RAVER2: variants seen among roughly 807,000 people sequenced by gnomAD.
RAVER2 encodes the protein ribonucleoprotein PTB-binding 2.
A neutral mutation model predicts 78.1 loss-of-function variants in RAVER2; 46 were observed. The ratio of observed to expected loss-of-function variants is 0.59; its 90% CI spans 0.46 to 0.75. RAVER2 has a LOEUF of 0.75. Ranked by LOEUF, RAVER2 falls within the 30% of genes least tolerant of loss-of-function variation. The probability of loss-of-function intolerance (pLI) is 0.00; values close to 1 mark genes in which losing one functional copy is unlikely to be tolerated. For synonymous variants in RAVER2, 311 were observed against 313.3 expected (o/e 0.99, Z 0.08); for missense variants, 793 against 837.5 (o/e 0.95, Z 0.66).
intron 1 of RAVER2, among the ~76,000 whole-genome samples, chr1:64,763,041 G>A (rs1652063226): frequency 6.6e-6 from 1 of 152,254 alleles, no homozygotes. Context: ...TGGGCACAGT[G>A]GGTCACGCCT....
At chr1:64,792,423 C>A (rs184214191) in intron 5 of RAVER2, among the ~76,000 whole-genome samples, 1 of 152,314 alleles carries the variant, frequency 6.6e-6, no homozygotes, top group East Asian at 1.9e-4. Flanking sequence ...AAGAAGTATA[C>A]CACATTCTTA....
intron 11 of RAVER2, among the ~76,000 whole-genome samples, chr1:64,824,111 T>C (rs1158034568): frequency 6.6e-6 from 1 of 152,162 alleles, no homozygotes; most frequent in Non-Finnish European, 1.5e-5. Flanking sequence ...CCGGCCTGAT[T>C]TTTGTTTTTC....
At chr1:64,783,939 T>G (rs1335310896) in intron 4 of RAVER2, among the ~76,000 whole-genome samples, 1 of 152,244 alleles carries the variant, frequency 6.6e-6, no homozygotes, top group African/African-American at 2.4e-5. Flanking sequence ...CATTTCTTAA[T>G]TTTCCATTTC....
At chr1:64,799,224 A>T (rs1653189076) in intron 5 of RAVER2, among the ~76,000 whole-genome samples, 1 of 152,190 alleles carries the variant, frequency 6.6e-6, no homozygotes, top group Non-Finnish European at 1.5e-5. Flanking sequence ...ACTTAATATA[A>T]TGTCCTCCAG....
chr1:64,803,712 T>C (rs1054086108), intron 6 of RAVER2, among the ~76,000 whole-genome samples: 7 of 152,214 alleles, frequency 4.6e-5, no homozygotes, highest in Non-Finnish European at 1.0e-4. Flanking sequence ...GACTTGGTGA[T>C]ACATTATAGA....
At chr1:64,801,637 A>G (rs1425589903) in intron 5 of RAVER2, among the ~76,000 whole-genome samples, 2 of 151,492 alleles carry the variant, frequency 1.3e-5, no homozygotes, top group South Asian at 4.2e-4. Context: ...TGGGAGGCCA[A>G]GGCAGGTGGA....
At chr1:64,762,946 A>C (rs376023438) in intron 1 of RAVER2, among the ~76,000 whole-genome samples, 3 of 152,192 alleles carry the variant, frequency 2.0e-5, no homozygotes, top group African/African-American at 7.2e-5. Flanking sequence ...CAGTAGGCAA[A>C]CCACAGGCTA....
intron 8 of RAVER2, among the ~76,000 whole-genome samples, chr1:64,806,783 G>C (rs1194885826): frequency 1.3e-5 from 2 of 152,028 alleles, no homozygotes; most frequent in Non-Finnish European, 2.9e-5. Context: ...TTTAATTTCA[G>C]ATAACTTTTT....
At chr1:64,764,324 A>T (rs1652114081) in intron 1 of RAVER2, among the ~76,000 whole-genome samples, 1 of 152,002 alleles carries the variant, frequency 6.6e-6, no homozygotes, top group South Asian at 2.1e-4. Context: ...ATGGTGTCCT[A>T]ATAGTTGATT....
intron 4 of RAVER2, among the ~76,000 whole-genome samples, chr1:64,783,798 A>G (rs1026687640): frequency 3.3e-5 from 5 of 152,230 alleles, no homozygotes; most frequent in African/African-American, 9.7e-5. Flanking sequence ...AAACACCAAA[A>G]GCAATGGCAA....
At chr1:64,778,116 G>T in intron 3 of RAVER2, 24 bp downstream of exon 3, 2 of 1,501,064 alleles carry the variant, frequency 1.3e-6, no homozygotes, top group Non-Finnish European at 9.1e-7. Flanking sequence ...AGAGATTATT[G>T]AAATATTTTA....
chr1:64,766,070 T>A (rs1452057699), intron 1 of RAVER2, among the ~76,000 whole-genome samples: 1 of 152,146 alleles, frequency 6.6e-6, no homozygotes, highest in Non-Finnish European at 1.5e-5. Context: ...TGATCGTCTC[T>A]CCAGAAAGCA....
intron 2 of RAVER2, among the ~76,000 whole-genome samples, chr1:64,769,533 G>T (rs762528980): frequency 2.0e-5 from 3 of 151,982 alleles, no homozygotes; most frequent in Non-Finnish European, 4.4e-5. Context: ...ACTTACCTGT[G>T]CCTCTTTGAA....
intron 3 of RAVER2, among the ~76,000 whole-genome samples, chr1:64,780,827 G>T (rs1652606427): frequency 6.6e-6 from 1 of 152,168 alleles, no homozygotes; most frequent in Admixed American, 6.5e-5. Context: ...AATAAAAGTT[G>T]TGTGTTGCTT....
At chr1:64,767,252 C>T (rs1379812660) in intron 1 of RAVER2, among the ~76,000 whole-genome samples, 1 of 151,840 alleles carries the variant, frequency 6.6e-6, no homozygotes, top group Admixed American at 6.6e-5. Flanking sequence ...CATATGATTA[C>T]TTATTAGGGC....
chr1:64,762,038 C>T (rs1169612043), intron 1 of RAVER2, among the ~76,000 whole-genome samples: 1 of 151,904 alleles, frequency 6.6e-6, no homozygotes, highest in East Asian at 1.9e-4. Flanking sequence ...TCACTTGAGC[C>T]TAGGAGGTTG....
At chr1:64,769,297 G>C (rs1220570292) in intron 2 of RAVER2, among the ~76,000 whole-genome samples, 2 of 151,490 alleles carry the variant, frequency 1.3e-5, no homozygotes, top group African/African-American at 4.9e-5. Context: ...ATGTAGATCT[G>C]TTGAATTTCT....
Position 64,745,655 on chromosome 1 carries a change from A to G in RAVER2, c.249+234A>G, listed in dbSNP as rs1557577392. On this transcript the variant is annotated intron_variant, in intron 1 of 11. Transcript: ENST00000294428. This position sits in a 1 kb window ranked among gnomAD's most constrained non-coding sequence, Gnocchi z 4.3. The stretch of plus-strand genomic sequence containing the variant: ...TCTGAGTGGCGAAGCGGCTTCTCCA[A>G]GGTCACGGGAATCAGGGGCTGCTGC... 6.6e-6 allele frequency among the ~76,000 whole-genome samples: 1 copy of G among 152,074 alleles called. No individual in the cohort carries two copies. The highest frequency in any genetic ancestry group is 1.5e-5 in the Non-Finnish European group (1 of 68,010).
intron 11 of RAVER2, among the ~76,000 whole-genome samples, chr1:64,829,998 G>T (rs1654086150): frequency 6.6e-6 from 1 of 152,140 alleles, no homozygotes; most frequent in Non-Finnish European, 1.5e-5. Context: ...TGTGACCGTT[G>T]TTGGTTCAAA....
Sources: allele counts gnomAD v4.1 joint callset (sites outside exome capture counted in the v4.1 genomes callset), GRCh38; gene constraint gnomAD v4.1.1; non-coding constraint Gnocchi (gnomAD v3.1); transcripts MANE v1.5; gene names NCBI Gene and HGNC (gene_info 2026-07-23, HGNC 2026-07-21).